NPC1: variants seen among roughly 807,000 people sequenced by gnomAD.
NPC1 encodes NPC intracellular cholesterol transporter 1, also known as Niemann-Pick C1 protein.
NPC1 carries 85 observed loss-of-function variants against 140.4 expected under a neutral mutation model. The ratio of observed to expected loss-of-function variants is 0.61; its 90% CI spans 0.51 to 0.72. The LOEUF is 0.72. Among genes scored for constraint, NPC1 ranks in the 30% least tolerant of loss-of-function variants. The pLI, the probability that NPC1 is intolerant of heterozygous loss-of-function variation, is 0.00. For synonymous variants in NPC1, 656 were observed against 624.8 expected, an observed-to-expected ratio of 1.05 and a Z score of -0.74; for missense variants, 1,504 against 1,623.8, an observed-to-expected ratio of 0.93 and a Z score of 1.27.
rs150000422 is a variant in NPC1, at chr18:23,541,089, C to T, written c.2493G>A (p.Lys831=). ...ATACCACAATTGGTCTCATCCAGTCCTTTAGCAGAAGTGGAGAATAGGAGT... is the reference window on the plus strand; with the variant it reads ...ATACCACAATTGGTCTCATCCAGTCTTTTAGCAGAAGTGGAGAATAGGAGT... ...FKNSYSPLLL[K]DWMRPIVIAI... is the part of the protein sequence containing the mutation. Residue 831 remains lysine (K), a synonymous_variant, in exon 16 of 25, where the codon AAG becomes AAA. Coordinates refer to ENST00000269228, the MANE Select transcript of NPC1 (RefSeq NM_000271.5). 1.1e-5 allele frequency: 17 copies of T among 1,614,054 alleles called. No homozygotes were observed. In the African/African-American group the frequency reaches 2.1e-4, roughly 20 times the overall value.
chr18:23,575,200 T>C (rs1011126924), intron 1 of NPC1, among the ~76,000 whole-genome samples: 5 of 152,184 alleles, frequency 3.3e-5, no homozygotes, highest in Non-Finnish European at 4.4e-5. Context: ...AGGACGGGTG[T>C]CTGGAGTCTA....
intron 20 of NPC1, 31 bp downstream of exon 20, chr18:23,538,511 G>A (rs2145365948): frequency 6.2e-7 from 1 of 1,613,812 alleles, no homozygotes; most frequent in South Asian, 1.1e-5. Flanking sequence ...AGTTGCAGTG[G>A]ATGCTTATCT....
intron 1 of NPC1, among the ~76,000 whole-genome samples, chr18:23,577,954 CG>C (rs1435699529): frequency 4.6e-5 from 7 of 152,232 alleles, no homozygotes; most frequent in African/African-American, 1.7e-4. Flanking sequence ...CACGCCCACC[CG>C]GAACTCCAGC....
intron 3 of NPC1, among the ~76,000 whole-genome samples, chr18:23,517,250 A>G (rs1330268476): frequency 2.0e-5 from 3 of 151,926 alleles, no homozygotes; most frequent in East Asian, 3.9e-4. Context: ...CCCAGGTTCA[A>G]GCGATTCTCC....
intron 24 of NPC1, among the ~76,000 whole-genome samples, chr18:23,532,707 T>C (rs1417254591): frequency 1.3e-5 from 2 of 151,242 alleles, no homozygotes; most frequent in Non-Finnish European, 2.9e-5. Flanking sequence ...TTTTTTTTTT[T>C]TTTTTCTTAA....
chr18:23,586,402 G>A lies in NPC1; in HGVS notation c.-59C>T. The A allele has an allele frequency of 6.5e-7, 1 of 1,529,036 alleles. No homozygotes were observed. Among genetic ancestry groups the A allele is most frequent in the South Asian group, 1.2e-5 (1 of 83,402 alleles). 94.7% of individuals were successfully genotyped at this position (1,529,036 alleles called of 1,614,324 possible). ...CGTTCGGCTGGTTGGGCTCCCCGGAGGCGGCTCTACTTCCCCGGGCTGTTT... is the reference window on the plus strand; with the variant it reads ...CGTTCGGCTGGTTGGGCTCCCCGGAAGCGGCTCTACTTCCCCGGGCTGTTT... On this transcript the variant is annotated 5_prime_UTR_variant, in exon 1 of 25. Coordinates refer to ENST00000269228, the MANE Select transcript of NPC1 (RefSeq NM_000271.5).
chr18:23,560,732 C>T (rs1035879204), intron 5 of NPC1, among the ~76,000 whole-genome samples: 14 of 152,200 alleles, frequency 9.2e-5, no homozygotes, highest in African/African-American at 3.1e-4. Flanking sequence ...CATACCAAGG[C>T]AACCCTTCAA....
At position 23,576,595 on chromosome 18, in the gene NPC1, C is replaced by G. The variant is rs112306203; in HGVS notation, c.58-3021G>C. On this transcript the variant is annotated intron_variant, in intron 1 of 24. Transcript: ENST00000269228. ...TCAAGAATGAAGCCGCGGACCCTGG[C>G]GGTGAGCGTTACAGCTCTTAAGGTG... 5.2e-5 allele frequency: 30 copies of G among 573,948 alleles called. 1 individual carries two copies. Among genetic ancestry groups the G allele is most frequent in the African/African-American group, 3.7e-4 (18 of 49,254 alleles). The allele number at this position is 573,948 out of a possible 1,614,324, so 35.6% of individuals were successfully genotyped here.
chr18:23,539,627 T>TA (rs1317274329), intron 18 of NPC1, 157 bp from the exon 19 acceptor site: 4 of 797,824 alleles, frequency 5.0e-6, no homozygotes, highest in Non-Finnish European at 8.3e-6. Context: ...GCCTTCAAAG[T>TA]ATTAGGTGGT....
chr18:23,532,301 C>A lies in NPC1; in HGVS notation c.3755-17G>T. On this transcript the variant is annotated splice_polypyrimidine_tract_variant and intron_variant, in intron 24 of 24. Coordinates refer to ENST00000269228, the MANE Select transcript of NPC1 (RefSeq NM_000271.5). Reference sequence around the variant, plus strand: ...CTGATGGCCCTATGAGAGAGAGAGACTTTTTCTTATTTCTGCAGGAGAAAG... The same window carrying A: ...CTGATGGCCCTATGAGAGAGAGAGAATTTTTCTTATTTCTGCAGGAGAAAG... 2 of 1,613,594 alleles carry A rather than the reference C, an allele frequency of 1.2e-6. No homozygotes were observed. The highest frequency in any genetic ancestry group is 3.3e-5 in the Admixed American group (2 of 59,994).
chr18:23,529,767 C>A (rs758760416), downstream of NPC1: 48 of 1,467,126 alleles, frequency 3.3e-5, no homozygotes, highest in South Asian at 9.2e-5. Context: ...AAAAAAAAAA[C>A]ACAGTCACTG....
At chr18:23,509,901 A>G (rs1261020116) in intron 3 of NPC1, among the ~76,000 whole-genome samples, 6 of 136,880 alleles carry the variant, frequency 4.4e-5, no homozygotes, top group African/African-American at 1.7e-4. Context: ...AAGTCTTGCT[A>G]TGTTGCCCAG....
chr18:23,533,495 G>C lies in NPC1; in HGVS notation c.3614C>G (p.Thr1205Arg), dbSNP rs758902805. The change falls in exon 24 of 25, where the codon ACA (threonine) becomes AGA (arginine). Residue 1205 changes from threonine (T) to arginine (R), a missense_variant. Physicochemically the swap from Thr to Arg is moderately conservative, Grantham distance 71. Transcript: ENST00000269228. The stretch of plus-strand genomic sequence containing the variant: ...CAACACCACAATCCCTCCAAATTTT[G>C]TAAGTGTGATTCCACTGAACACCTA... ...GSSVFSGITL[T>R]KFGGIVVLAF... 1.9e-6 allele frequency: 3 copies of C among 1,614,198 alleles called. No homozygotes were observed. Among genetic ancestry groups the C allele is most frequent in the Non-Finnish European group, 2.5e-6 (3 of 1,180,008 alleles).
downstream of NPC1, among the ~76,000 whole-genome samples, chr18:23,520,469 G>T (rs78414950): frequency 0.021 from 3,185 of 152,100 alleles, 111 homozygotes; most frequent in African/African-American, 0.073. Flanking sequence ...TTCCAGTTTT[G>T]TTGTTGTTTT....
chr18:23,529,411 G>C, downstream of NPC1: 1 of 1,451,306 alleles, frequency 6.9e-7, no homozygotes, highest in Non-Finnish European at 9.1e-7. Flanking sequence ...AGAATCACTG[G>C]AGTTTCCTTG....
rs1420148980 is a variant in NPC1, at chr18:23,539,299, T to C, written c.2911+56A>G. On this transcript the variant is annotated intron_variant, in intron 19 of 24. Transcript: ENST00000269228. ...AGGCACGATGCAAATGATTTTTAAA[T>C]GATAATTTGAAAATTTTTCAGCAAA... 7 of 1,249,912 alleles carry C rather than the reference T, an allele frequency of 5.6e-6. No homozygotes were observed. The Admixed American group carries it at 8.7e-5, about 15-fold the overall frequency. The allele number at this position is 1,249,912 out of a possible 1,614,324, so 77.4% of individuals were successfully genotyped here. A position where few individuals can be genotyped will look rare whatever the true frequency, so the allele number is the denominator to read the frequency against.
At chr18:23,530,416 A>G (rs762984838), downstream of NPC1, 7 of 1,614,256 alleles carry the variant, frequency 4.3e-6, no homozygotes. Flanking sequence ...ATGAAATAGT[A>G]GAAGTTCTCC....
downstream of NPC1, chr18:23,518,843 A>G (rs74991954): frequency 6.5e-4 from 1,016 of 1,561,090 alleles, 14 homozygotes; most frequent in East Asian, 0.02. Flanking sequence ...GAACAAAGGA[A>G]TTTTGAATGG....
chr18:23,543,591 T>C, intron 13 of NPC1, 22 bp from the exon 14 acceptor site: 1 of 1,048,102 alleles, frequency 9.5e-7, no homozygotes, highest in Non-Finnish European at 1.5e-6. Flanking sequence ...AAAAAAAAAA[T>C]TATGCGACAT....
Sources: gnomAD v4.1 joint callset for allele counts (sites outside exome capture counted in the v4.1 genomes callset) on GRCh38, gnomAD v4.1.1 for gene constraint, MANE v1.5 for transcripts, NCBI Gene and HGNC (gene_info 2026-07-23, HGNC 2026-07-21) for gene names.